The following CCDC102B variants were observed in gnomAD, a reference collection of about 807,000 sequenced individuals.
CCDC102B encodes the protein coiled-coil domain-containing protein 102B.
Under a neutral mutation model 57.4 loss-of-function variants are expected in CCDC102B, and 75 were observed. That is an observed-to-expected ratio of 1.31 (90% CI 1.08 to 1.58). The LOEUF (loss-of-function observed/expected upper bound fraction) is 1.58, where lower values mean the gene tolerates loss of function less well. Among genes scored for constraint, CCDC102B ranks in the 40% most tolerant of loss-of-function variants. The pLI, the probability that CCDC102B is intolerant of heterozygous loss-of-function variation, is 0.00. For missense variants in CCDC102B, 636 were observed against 582.6 expected (o/e 1.09, Z -0.94); for synonymous variants, 206 against 201.9 (o/e 1.02, Z -0.17).
upstream of CCDC102B, among the ~76,000 whole-genome samples, chr18:68,796,842 C>CGT (rs1599474261): frequency 5.7e-5 from 2 of 34,902 alleles, no homozygotes; most frequent in African/African-American, 1.2e-4. Flanking sequence ...TATGTACATG[C>CGT]ATGTGTGTGT....
intron 7 of CCDC102B, among the ~76,000 whole-genome samples, chr18:69,038,098 T>TG (rs1568142172): frequency 6.6e-6 from 1 of 151,970 alleles, no homozygotes; most frequent in Non-Finnish European, 1.5e-5. Flanking sequence ...CACTATTTTG[T>TG]GGTATTTTTG....
intron 2 of CCDC102B, among the ~76,000 whole-genome samples, chr18:68,792,162 C>G (rs545701510): frequency 6.6e-6 from 1 of 152,246 alleles, no homozygotes; most frequent in Admixed American, 6.5e-5. Context: ...AACCTAATGA[C>G]TATATTTTTA....
At chr18:68,870,951 CACA>C (rs1207323095) in intron 4 of CCDC102B, among the ~76,000 whole-genome samples, 1 of 152,082 alleles carries the variant, frequency 6.6e-6, no homozygotes, top group African/African-American at 2.4e-5. Context: ...CTTTACATTA[CACA>C]ACACTTTTGT....
At chr18:68,761,831 G>A (rs1302137645) in intron 2 of CCDC102B, among the ~76,000 whole-genome samples, 1 of 151,928 alleles carries the variant, frequency 6.6e-6, no homozygotes. Flanking sequence ...TTATATTTTT[G>A]ACTTATTTTT....
rs574518231 is a variant in CCDC102B, at chr18:69,053,856, C to A, written c.1435-174C>A. On this transcript the variant is annotated intron_variant, in intron 7 of 7. Coordinates refer to ENST00000360242, the MANE Select transcript of CCDC102B (RefSeq NM_024781.3). Reference sequence around the variant, plus strand: ...ATGTGTACATTGTAGACTAGCTAATCAAGCTACTTAATATATGTACTATTT... The same window carrying A: ...ATGTGTACATTGTAGACTAGCTAATAAAGCTACTTAATATATGTACTATTT... Among the ~76,000 whole-genome samples, 11 of 151,914 alleles carry A rather than the reference C, an allele frequency of 7.2e-5. No homozygotes were observed. In the South Asian group the frequency reaches 2.3e-3, roughly 32 times the overall value.
chr18:68,751,039 A>C (rs780902672), intron 2 of CCDC102B, among the ~76,000 whole-genome samples: 15 of 152,158 alleles, frequency 9.9e-5, no homozygotes, highest in Non-Finnish European at 1.9e-4. Flanking sequence ...ATAATGACCT[A>C]GAAATTAGGT....
At chr18:69,032,791 G>T (rs1245699068) in intron 7 of CCDC102B, among the ~76,000 whole-genome samples, 1 of 152,038 alleles carries the variant, frequency 6.6e-6, no homozygotes, top group Admixed American at 6.6e-5. Context: ...AATGCTCAGT[G>T]TTAGTCCCTC....
intron 6 of CCDC102B, among the ~76,000 whole-genome samples, chr18:68,898,836 G>C (rs1222538611): frequency 6.6e-6 from 1 of 152,064 alleles, no homozygotes; most frequent in Non-Finnish European, 1.5e-5. Context: ...AGAAGCAATT[G>C]ATTATATTTG....
intron 6 of CCDC102B, among the ~76,000 whole-genome samples, chr18:68,943,728 G>A (rs893124565): frequency 1.3e-5 from 2 of 152,126 alleles, no homozygotes; most frequent in African/African-American, 2.4e-5. Context: ...CCAATTAAGA[G>A]TCCTTTATTT....
At chr18:68,992,436 T>C (rs781056701) in intron 6 of CCDC102B, among the ~76,000 whole-genome samples, 10 of 152,200 alleles carry the variant, frequency 6.6e-5, no homozygotes, top group Non-Finnish European at 1.3e-4. Flanking sequence ...TCTGTTCACT[T>C]GGACTTAGTG....
At chr18:68,792,469 A>G (rs922809589) in intron 2 of CCDC102B, among the ~76,000 whole-genome samples, 10 of 152,246 alleles carry the variant, frequency 6.6e-5, no homozygotes, top group Non-Finnish European at 1.2e-4. Flanking sequence ...TATTTACAAT[A>G]TAAAAATTTG....
intron 6 of CCDC102B, among the ~76,000 whole-genome samples, chr18:68,988,175 A>G (rs1161278604): frequency 6.6e-6 from 1 of 152,210 alleles, no homozygotes; most frequent in Non-Finnish European, 1.5e-5. Context: ...TTAGAAAAAA[A>G]ATGTGGTACG....
rs951856395 is a variant in CCDC102B at position 68,866,522 on chromosome 18, T to C, written c.937-8147T>C. ...TTGTCCAGGCCGGACACAAGATGGT[T>C]GTACTCTTGCAAAGACATGTTGGCT... On this transcript the variant is annotated intron_variant, in intron 4 of 7. Transcript: ENST00000360242. 14 of 176,054 alleles carry C rather than the reference T, an allele frequency of 8.0e-5. No homozygotes were observed. The East Asian group carries it at 9.9e-4, about 12-fold the overall frequency. The allele number at this position is 176,054 out of a possible 1,614,324, so 10.9% of individuals were successfully genotyped here. A position where few individuals can be genotyped will look rare whatever the true frequency, so the allele number is the denominator to read the frequency against.
chr18:68,837,136 A>G lies in CCDC102B; in HGVS notation c.373A>G (p.Ile125Val). 6.2e-7 allele frequency: 1 copy of G among 1,614,110 alleles called. No homozygotes were observed. Among genetic ancestry groups the G allele is most frequent in the Non-Finnish European group, 8.5e-7 (1 of 1,179,970 alleles). ...SAREEGRQLR[I>V]KLEMAMKELS... ...CAGGGAGGAAGGAAGACAACTCAGA[A>G]TAAAACTAGAGATGGCGATGAAAGA... Residue 125 changes from isoleucine to valine, a missense_variant, in exon 2 of 8, where the codon ATA (isoleucine) becomes GTA (valine). Coordinates refer to ENST00000360242, the MANE Select transcript of CCDC102B (RefSeq NM_024781.3).
chr18:68,838,619 G>GT (rs1338207351), intron 2 of CCDC102B, 87 bp from the exon 3 acceptor site: 1 of 1,510,188 alleles, frequency 6.6e-7, no homozygotes, highest in East Asian at 2.3e-5. Flanking sequence ...TTGTGGTATC[G>GT]TAACATTTAT....
At chr18:68,987,015 TCA>T in intron 6 of CCDC102B, among the ~76,000 whole-genome samples, 1 of 152,114 alleles carries the variant, frequency 6.6e-6, no homozygotes, top group East Asian at 1.9e-4. Context: ...ATTTACAGAT[TCA>T]CAGTTATTTG....
At chr18:68,825,985 G>A (rs1438745447) in intron 1 of CCDC102B, among the ~76,000 whole-genome samples, 1 of 151,960 alleles carries the variant, frequency 6.6e-6, no homozygotes, top group Non-Finnish European at 1.5e-5. Flanking sequence ...CTCTTCAGAG[G>A]GTTAATATAT....
Position 68,961,312 on chromosome 18 carries a change from GT to G in CCDC102B, c.1264-49618del, listed in dbSNP as rs549692414. Among the ~76,000 whole-genome samples the G allele has an allele frequency of 2.0e-3, 306 of 151,660 alleles. 1 individual carries two copies. The highest frequency in any genetic ancestry group is 4.3e-3 in the Admixed American group (65 of 15,240). On this transcript the variant is annotated intron_variant, in intron 6 of 7. Coordinates refer to ENST00000360242, the MANE Select transcript of CCDC102B (RefSeq NM_024781.3). Reference sequence around the variant, plus strand: ...GAAAAGTGATTTTTTATACAAAATTGTTTTATTTATGTACAAAATTATACAC... The same window carrying G: ...GAAAAGTGATTTTTTATACAAAATTGTTTATTTATGTACAAAATTATACAC...
At chr18:69,021,444 C>T (rs1287596147) in intron 7 of CCDC102B, among the ~76,000 whole-genome samples, 1 of 152,134 alleles carries the variant, frequency 6.6e-6, no homozygotes, top group Non-Finnish European at 1.5e-5. Flanking sequence ...ATCACACACC[C>T]AGGAACCGAA....
Sources: allele counts gnomAD v4.1 joint callset (sites outside exome capture counted in the v4.1 genomes callset), GRCh38; gene constraint gnomAD v4.1.1; transcripts MANE v1.5; gene names NCBI Gene and HGNC (gene_info 2026-07-23, HGNC 2026-07-21).